COL9A1: variants seen among roughly 807,000 people sequenced by gnomAD.
The protein encoded by COL9A1 is collagen alpha-1(IX) chain.
Under a neutral mutation model 142.6 loss-of-function variants are expected in COL9A1, and 104 were observed. The observed-to-expected ratio is 0.73, with a 90% CI of 0.62 to 0.86. The LOEUF is 0.86. COL9A1 is among the 40% of genes least tolerant of loss of function. The pLI, the probability that COL9A1 is intolerant of heterozygous loss-of-function variation, is 0.00. For missense variants in COL9A1, 1,210 were observed against 1,176.6 expected, an observed-to-expected ratio of 1.03 and a Z score of -0.42; for synonymous variants, 466 against 396.0, an observed-to-expected ratio of 1.18 and a Z score of -2.10.
intron 37 of COL9A1, among the ~76,000 whole-genome samples, chr6:70,222,095 A>T (rs184072885): frequency 1.3e-5 from 2 of 152,328 alleles, no homozygotes; most frequent in African/African-American, 4.8e-5. Flanking sequence ...GGAAGCATGA[A>T]TATCTGTCTT....
chr6:70,272,158 A>T, intron 12 of COL9A1, 70 bp from the exon 13 acceptor site: 1 of 1,285,286 alleles, frequency 7.8e-7, no homozygotes, highest in Admixed American at 1.9e-5. Context: ...TGTAGACATA[A>T]CTCAGCTAAA....
chr6:70,289,527 C>T (rs1212219925), intron 5 of COL9A1, among the ~76,000 whole-genome samples: 1 of 152,130 alleles, frequency 6.6e-6, no homozygotes, highest in African/African-American at 2.4e-5. Flanking sequence ...GTCTACAACG[C>T]AGCAGGCTGA....
At chr6:70,232,835 G>A (rs1769642897) in intron 35 of COL9A1, 64 bp from the exon 36 acceptor site, 2 of 1,505,254 alleles carry the variant, frequency 1.3e-6, no homozygotes, top group African/African-American at 1.4e-5. Context: ...CTAATGAAAA[G>A]AGAGGTATTC....
At chr6:70,243,789 A>G (rs1171756109) in intron 28 of COL9A1, among the ~76,000 whole-genome samples, 6 of 152,116 alleles carry the variant, frequency 3.9e-5, no homozygotes, top group African/African-American at 9.7e-5. Context: ...TGGCCTCCCA[A>G]CGTGCTGGGA....
chr6:70,280,566 G>C, intron 10 of COL9A1: 1 of 1,390,372 alleles, frequency 7.2e-7, no homozygotes, highest in Non-Finnish European at 9.4e-7. Context: ...GCCAGTACCC[G>C]CTGCTGTTTT....
chr6:70,246,941 C>T (rs1417827973), intron 28 of COL9A1, among the ~76,000 whole-genome samples: 2 of 152,158 alleles, frequency 1.3e-5, no homozygotes, highest in East Asian at 3.8e-4. Context: ...TAGTACTTAT[C>T]TCTTAGGGCT....
chr6:70,218,072 G>C (rs1400734550), intron 37 of COL9A1, among the ~76,000 whole-genome samples: 1 of 152,174 alleles, frequency 6.6e-6, no homozygotes, highest in Non-Finnish European at 1.5e-5. Flanking sequence ...GCACCCGGGA[G>C]GCAGAGGTTG....
chr6:70,291,200 ACTACCTT>A (rs1773644969), intron 5 of COL9A1, among the ~76,000 whole-genome samples: 1 of 152,146 alleles, frequency 6.6e-6, no homozygotes, highest in South Asian at 2.1e-4. Flanking sequence ...TGAGTGTTTG[ACTACCTT>A]CAGTTTTCAA....
At chr6:70,280,774 C>G in intron 10 of COL9A1, 38 bp downstream of exon 10, 1 of 1,596,830 alleles carries the variant, frequency 6.3e-7, no homozygotes, top group Non-Finnish European at 8.5e-7. Context: ...CCACCACACA[C>G]CCCAGGCTGG....
chr6:70,300,151 T>A lies in COL9A1; in HGVS notation c.191A>T (p.Gln64Leu). 6.2e-7 allele frequency: 1 copy of A among 1,613,844 alleles called. No homozygotes were observed. Among genetic ancestry groups the A allele is most frequent in the Non-Finnish European group, 8.5e-7 (1 of 1,179,848 alleles). ...TCTTCTAGATGCTGCTTTATCTACC[T>A]GGAACTGAGAGATCAGATCAAACCC... ...LPGFDLISQF[Q>L]VDKAASRRAI... The change falls in exon 4 of 38, where the codon CAG (glutamine) becomes CTG (leucine). Residue 64 changes from glutamine (Q) to leucine (L), a missense_variant. By Grantham distance (113) the Gln-to-Leu change is moderately radical (BLOSUM62 -2). Transcript: ENST00000357250.
intron 37 of COL9A1, among the ~76,000 whole-genome samples, chr6:70,217,566 T>C (rs905219941): frequency 2.6e-5 from 4 of 152,234 alleles, no homozygotes; most frequent in Non-Finnish European, 4.4e-5. Context: ...GTCACTTGAT[T>C]ATTTTTACCT....
At chr6:70,265,421 C>T (rs1036290489) in intron 18 of COL9A1, among the ~76,000 whole-genome samples, 2 of 148,248 alleles carry the variant, frequency 1.3e-5, no homozygotes, top group African/African-American at 4.9e-5. Flanking sequence ...AATATTCGTA[C>T]ACACTTGTTT....
At position 70,254,514 on chromosome 6, in the gene COL9A1, G is replaced by A; in HGVS notation, c.1681C>T (p.Pro561Ser). Residue 561 changes from proline (P) to serine (S), a missense_variant, in exon 25 of 38, where the codon CCT (proline) becomes TCT (serine). Transcript: ENST00000357250. ...MPGTKGEPGKPGPPGDAGLQG... is the reference protein window; with the variant it reads ...MPGTKGEPGKSGPPGDAGLQG... ...AATCCTGCATCACCAGGAGGCCCAG[G>A]TTTTCCTGGTTCACCCTGCAAAAAA... is the stretch of plus-strand genomic sequence containing the variant. The A allele has an allele frequency of 6.2e-7, 1 of 1,614,032 alleles. No individual in the cohort carries two copies. Among genetic ancestry groups the A allele is most frequent in the Non-Finnish European group, 8.5e-7 (1 of 1,179,982 alleles).
chr6:70,267,744 T>C (rs1772122268), intron 17 of COL9A1, among the ~76,000 whole-genome samples: 1 of 152,236 alleles, frequency 6.6e-6, no homozygotes, highest in Non-Finnish European at 1.5e-5. Context: ...GTGTGTGCTT[T>C]GTAACAGGAG....
intron 1 of COL9A1, among the ~76,000 whole-genome samples, chr6:70,302,620 T>G (rs1468003485): frequency 2.0e-5 from 3 of 151,696 alleles, no homozygotes; most frequent in Admixed American, 6.6e-5. Context: ...TATCTCACTG[T>G]TTTGGTACCT....
chr6:70,290,120 T>C (rs1773602650), intron 5 of COL9A1, among the ~76,000 whole-genome samples: 1 of 152,166 alleles, frequency 6.6e-6, no homozygotes, highest in African/African-American at 2.4e-5. Flanking sequence ...TTGAATCATA[T>C]GTTTGTTAAG....
At chr6:70,279,716 C>A (rs1773011887) in intron 10 of COL9A1, 1 of 241,138 alleles carries the variant, frequency 4.1e-6, no homozygotes, top group East Asian at 6.8e-5. Context: ...ACAGTATAAA[C>A]AAACACATTC....
At chr6:70,285,844 T>C (rs775232227) in intron 5 of COL9A1, among the ~76,000 whole-genome samples, 1 of 152,246 alleles carries the variant, frequency 6.6e-6, no homozygotes, top group East Asian at 1.9e-4. Context: ...GTTCCTCACA[T>C]CTGCCCAGAT....
chr6:70,269,333 T>A (rs1279899553), intron 16 of COL9A1, among the ~76,000 whole-genome samples: 1 of 152,168 alleles, frequency 6.6e-6, no homozygotes, highest in Admixed American at 6.5e-5. Flanking sequence ...GTAAAACAAA[T>A]CCTAGAGGAA....
Sources: allele counts gnomAD v4.1 joint callset (sites outside exome capture counted in the v4.1 genomes callset), GRCh38; gene constraint gnomAD v4.1.1; transcripts MANE v1.5; gene names NCBI Gene and HGNC (gene_info 2026-07-23, HGNC 2026-07-21).